Variants in NTRK3 observed in about 807,000 individuals in gnomAD.
NTRK3 encodes the protein neurotrophic receptor tyrosine kinase 3.
A neutral mutation model predicts 91.7 loss-of-function variants in NTRK3; 24 were observed. The ratio of observed to expected loss-of-function variants is 0.26; its 90% CI spans 0.19 to 0.37. NTRK3 has a LOEUF of 0.37. Among genes scored for constraint, NTRK3 ranks in the 10% least tolerant of loss-of-function variants. The pLI, the probability that NTRK3 is intolerant of heterozygous loss-of-function variation, is 1.00. For missense variants in NTRK3, 880 were observed against 1,068.9 expected (o/e 0.82, Z 2.46); for synonymous variants, 483 against 404.0 (o/e 1.20, Z -2.34).
intron 9 of NTRK3, 61 bp from the exon 10 acceptor site, chr15:88,135,458 C>T: frequency 6.4e-7 from 1 of 1,559,062 alleles, no homozygotes; most frequent in Non-Finnish European, 8.7e-7. Context: ...CTGCAGTAGC[C>T]TTCCAGCAAC....
intron 14 of NTRK3, among the ~76,000 whole-genome samples, chr15:88,014,736 C>T (rs2077109950): frequency 6.6e-6 from 1 of 152,170 alleles, no homozygotes; most frequent in Admixed American, 6.5e-5. Context: ...GATGCTTCCC[C>T]GCCTACCTCT....
intron 13 of NTRK3, among the ~76,000 whole-genome samples, chr15:88,091,587 GA>G (rs2049019294): frequency 6.6e-6 from 1 of 151,840 alleles, no homozygotes; most frequent in Admixed American, 6.6e-5. Flanking sequence ...TCACACACAT[GA>G]ATTAGTGATA....
At chr15:87,923,574 T>C (rs909645746) in intron 17 of NTRK3, among the ~76,000 whole-genome samples, 3 of 152,174 alleles carry the variant, frequency 2.0e-5, no homozygotes, top group Non-Finnish European at 4.4e-5. Flanking sequence ...TATATCTGAG[T>C]ATCTATTTGA....
At chr15:87,992,614 T>C (rs1214787971) in intron 14 of NTRK3, among the ~76,000 whole-genome samples, 1 of 152,346 alleles carries the variant, frequency 6.6e-6, no homozygotes, top group East Asian at 1.9e-4. Context: ...GCCCAGGCAA[T>C]GAGCAAAGTG....
At chr15:88,121,956 T>C (rs1410435857) in intron 13 of NTRK3, among the ~76,000 whole-genome samples, 1 of 152,154 alleles carries the variant, frequency 6.6e-6, no homozygotes, top group South Asian at 2.1e-4. Context: ...AACATGGCAG[T>C]TGGAGGGCTC....
intron 3 of NTRK3, among the ~76,000 whole-genome samples, chr15:88,221,155 G>A (rs897029956): frequency 2.0e-5 from 3 of 152,184 alleles, no homozygotes; most frequent in Non-Finnish European, 4.4e-5. Context: ...TAATACAGAC[G>A]TATTGTGGAA....
intron 17 of NTRK3, among the ~76,000 whole-genome samples, chr15:87,893,838 A>G (rs1435403): frequency 0.73 from 110,314 of 152,042 alleles, 40,116 homozygotes; most frequent in Non-Finnish European, 0.75. Flanking sequence ...TTCACAGGGC[A>G]TAATATTTCT....
chr15:87,996,199 G>T (rs1478070616), intron 14 of NTRK3, among the ~76,000 whole-genome samples: 1 of 152,032 alleles, frequency 6.6e-6, no homozygotes, highest in Non-Finnish European at 1.5e-5. Context: ...AGGTGAGATC[G>T]CACCACTGCA....
Position 87,946,874 on chromosome 15 carries a change from C to CTTTTTTTTTTTTTTTTTTT in NTRK3, c.1586-6140_1586-6122dup, listed in dbSNP as rs560114979. ...TTTACAGCTCTGTCTTTCGTGGGTT[C>CTTTTTTTTTTTTTTTTTTT]TTTTTTTTTTTTTTTTTTTTTTTTT... On this transcript the variant is annotated intron_variant, in intron 14 of 18. Coordinates refer to ENST00000394480, the Ensembl canonical transcript of NTRK3. 2.3e-5 allele frequency among the ~76,000 whole-genome samples: 2 copies of CTTTTTTTTTTTTTTTTTTT among 85,448 alleles called. 1 individual carries two copies. Among genetic ancestry groups the CTTTTTTTTTTTTTTTTTTT allele is most frequent in the African/African-American group, 8.3e-5 (2 of 24,112 alleles). 56.1% of individuals were successfully genotyped at this position (85,448 alleles called of 152,430 possible). A position where few individuals can be genotyped will look rare whatever the true frequency, so the allele number is the denominator to read the frequency against.
At chr15:88,011,638 T>C (rs1286039404) in intron 14 of NTRK3, among the ~76,000 whole-genome samples, 1 of 152,120 alleles carries the variant, frequency 6.6e-6, no homozygotes, top group Non-Finnish European at 1.5e-5. Context: ...GATATACACA[T>C]CCTGGCAGTG....
chr15:87,948,278 A>G (rs1326224891), intron 14 of NTRK3, among the ~76,000 whole-genome samples: 1 of 152,212 alleles, frequency 6.6e-6, no homozygotes, highest in Non-Finnish European at 1.5e-5. Flanking sequence ...AGACTAGGAG[A>G]AAAAAGAGGA....
intron 3 of NTRK3, among the ~76,000 whole-genome samples, chr15:88,203,038 C>G (rs777123198): frequency 2.0e-5 from 3 of 152,170 alleles, no homozygotes; most frequent in Non-Finnish European, 4.4e-5. Context: ...CTTCTCTCTT[C>G]CTGAGAGCTT....
At chr15:88,084,593 A>T (rs1302368424) in intron 13 of NTRK3, among the ~76,000 whole-genome samples, 3 of 152,204 alleles carry the variant, frequency 2.0e-5, no homozygotes, top group Non-Finnish European at 4.4e-5. Context: ...TGGAAGGTCC[A>T]AGCCAGAGAG....
chr15:88,016,282 G>C (rs1179475480), intron 14 of NTRK3, among the ~76,000 whole-genome samples: 1 of 152,184 alleles, frequency 6.6e-6, no homozygotes, highest in Non-Finnish European at 1.5e-5. Context: ...ACCATCAAAG[G>C]ATGAACTACT....
intron 3 of NTRK3, among the ~76,000 whole-genome samples, chr15:88,223,383 T>A (rs1019015790): frequency 1.3e-5 from 2 of 152,196 alleles, no homozygotes; most frequent in African/African-American, 4.8e-5. Context: ...AGAGCCCCTC[T>A]CTGCCCACAC....
chr15:87,968,424 G>GT (rs1483508346), intron 14 of NTRK3, among the ~76,000 whole-genome samples: 2 of 152,124 alleles, frequency 1.3e-5, no homozygotes, highest in East Asian at 3.8e-4. Flanking sequence ...GGGAGGTAGA[G>GT]TAAGTTAGTG....
At chr15:87,991,700 G>C (rs2075299067) in intron 14 of NTRK3, among the ~76,000 whole-genome samples, 1 of 152,066 alleles carries the variant, frequency 6.6e-6, no homozygotes, top group African/African-American at 2.4e-5. Context: ...TTTCTTGCCA[G>C]TGCCTTTCTA....
exon 14 of NTRK3, chr15:88,032,998 G>C: frequency 1.2e-6 from 2 of 1,607,724 alleles, no homozygotes; most frequent in South Asian, 1.1e-5. Flanking sequence ...TTGATGTGGT[G>C]CAGTGGGCTG....
chr15:88,204,698 GGGA>G (rs1182770317), intron 3 of NTRK3, among the ~76,000 whole-genome samples: 1 of 152,218 alleles, frequency 6.6e-6, no homozygotes, highest in East Asian at 1.9e-4. Context: ...GTGTGAGAAT[GGGA>G]GCCCGCCCAA....
Sources: allele counts gnomAD v4.1 joint callset (sites outside exome capture counted in the v4.1 genomes callset), GRCh38; gene constraint gnomAD v4.1.1; transcripts MANE v1.5; gene names NCBI Gene and HGNC (gene_info 2026-07-23, HGNC 2026-07-21).